The following KIF15 variants were observed in gnomAD, a reference collection of about 807,000 sequenced individuals.
KIF15 encodes kinesin family member 15, also known as kinesin-like protein KIF15.
Under a neutral mutation model 190.6 loss-of-function variants are expected in KIF15, and 140 were observed. The observed-to-expected ratio is 0.73, with a 90% CI of 0.64 to 0.84. The LOEUF is 0.84. KIF15 is among the 40% of genes least tolerant of loss of function. The probability of loss-of-function intolerance (pLI) is 0.00; values close to 1 mark genes in which losing one functional copy is unlikely to be tolerated. For missense variants in KIF15, 1,372 were observed against 1,584.4 expected (o/e 0.87, Z 2.28); for synonymous variants, 528 against 551.3 (o/e 0.96, Z 0.59).
Position 44,821,005 on chromosome 3 carries a change from C to T in KIF15, c.2550-5034C>T, listed in dbSNP as rs1175695681. Among the ~76,000 whole-genome samples, 17 of 110,310 alleles carry T rather than the reference C, an allele frequency of 1.5e-4. 1 individual carries two copies. The highest frequency in any genetic ancestry group is 4.0e-4 in the African/African-American group (11 of 27,718). The allele number at this position is 110,310 out of a possible 152,430, so 72.4% of individuals were successfully genotyped here. On this transcript the variant is annotated intron_variant, in intron 20 of 34. Coordinates refer to ENST00000326047, the MANE Select transcript of KIF15 (RefSeq NM_020242.3). ...CTGACCCCCCCACCTCCCTCCCGGA[C>T]GGGGCGGCTGGCCGGGCGGGGGGGC...
At position 44,794,267 on chromosome 3, in the gene KIF15, C is replaced by T. The variant is rs1416910030; in HGVS notation, c.690C>T (p.Asn230=). The change falls in exon 8 of 35, where the codon AAC becomes AAT. Residue 230 remains asparagine, a synonymous_variant. Transcript: ENST00000326047. The stretch of plus-strand genomic sequence containing the variant: ...GACGTGTGGCATCAACATCAATGAA[C>T]AGAGAATCGTCTAGGTCTCATGCCG... The part of the protein sequence containing the change: ...RNRRVASTSM[N]RESSRSHAVF... The T allele has an allele frequency of 1.2e-6, 2 of 1,613,896 alleles. No individual in the cohort carries two copies. The highest frequency in any genetic ancestry group is 2.7e-5 in the African/African-American group (2 of 74,918).
Position 44,843,177 on chromosome 3 carries a change from A to AG in KIF15, c.3639dup (p.Lys1214GlufsTer11), listed in dbSNP as rs770603024. The AG allele has an allele frequency of 1.2e-6, 2 of 1,613,606 alleles. No individual in the cohort carries two copies. The highest frequency in any genetic ancestry group is 1.3e-5 in the African/African-American group (1 of 74,906). Reference sequence around the variant, plus strand: ...CGCCTGGAAAGTCAGCAGTTAATAGAGAAAAACTGGCTCCTGCAAGGTCAG... The same window carrying AG: ...CGCCTGGAAAGTCAGCAGTTAATAGAGGAAAAACTGGCTCCTGCAAGGTCAG... On this transcript the variant is annotated frameshift_variant, in exon 30 of 35. Transcript: ENST00000326047. LOFTEE classifies it high-confidence loss of function.
intron 1 of KIF15, among the ~76,000 whole-genome samples, chr3:44,771,494 C>A (rs547593759): frequency 1.5e-4 from 23 of 152,284 alleles, no homozygotes; most frequent in African/African-American, 5.1e-4. Context: ...CTGGATGTGT[C>A]AGGGGCCCTC....
chr3:44,828,912 C>G (rs982641889), intron 24 of KIF15, among the ~76,000 whole-genome samples: 5 of 151,976 alleles, frequency 3.3e-5, no homozygotes, highest in Non-Finnish European at 5.9e-5. Flanking sequence ...TGGCACATGC[C>G]TGTAATCCTA....
chr3:44,823,534 G>C (rs752317736), intron 20 of KIF15, among the ~76,000 whole-genome samples: 31 of 152,288 alleles, frequency 2.0e-4, no homozygotes, highest in Non-Finnish European at 4.3e-4. Flanking sequence ...GAGAACCACT[G>C]TACTCTTCAG....
At chr3:44,836,375 AT>A (rs1000597764) in intron 26 of KIF15, among the ~76,000 whole-genome samples, 25 of 151,386 alleles carry the variant, frequency 1.7e-4, no homozygotes, top group East Asian at 7.7e-4. Context: ...TAAATAAATA[AT>A]TTTTTTTTAA....
intron 6 of KIF15, among the ~76,000 whole-genome samples, chr3:44,868,469 A>G (rs141038990): frequency 8.6e-4 from 131 of 152,320 alleles, no homozygotes; most frequent in African/African-American, 2.9e-3. Context: ...CATGTTTTCA[A>G]TTCTATTGGG....
chr3:44,834,285 TA>T (rs1698204299), intron 26 of KIF15, among the ~76,000 whole-genome samples: 1 of 152,196 alleles, frequency 6.6e-6, no homozygotes, highest in African/African-American at 2.4e-5. Context: ...TATGAGTACT[TA>T]GCCAATGCAG....
At chr3:44,827,403 C>T (rs2125690485) in intron 22 of KIF15, 56 bp from the exon 23 acceptor site, 1 of 1,220,280 alleles carries the variant, frequency 8.2e-7, no homozygotes, top group Non-Finnish European at 1.2e-6. Context: ...CTAACAGATT[C>T]AGTTCCTGTT....
intron 6 of KIF15, among the ~76,000 whole-genome samples, chr3:44,861,669 C>T (rs2125738146): frequency 6.6e-6 from 1 of 152,388 alleles, no homozygotes; most frequent in South Asian, 2.1e-4. Context: ...GTCCACAGTA[C>T]CCGGCTTGGC....
At chr3:44,865,289 A>G (rs1213787679) in intron 6 of KIF15, 21 of 1,465,886 alleles carry the variant, frequency 1.4e-5, no homozygotes, top group Non-Finnish European at 2.0e-5. Flanking sequence ...CCTTCTGACC[A>G]TCAGCCAAGG....
At chr3:44,862,147 C>T in intron 6 of KIF15, 2 of 143,722 alleles carry the variant, frequency 1.4e-5, no homozygotes, top group Non-Finnish European at 2.8e-5. Context: ...GGTGCTGCTG[C>T]TGCGGGCGGG....
At chr3:44,767,028 T>A (rs1445780524) in intron 1 of KIF15, among the ~76,000 whole-genome samples, 2 of 152,030 alleles carry the variant, frequency 1.3e-5, no homozygotes, top group African/African-American at 2.4e-5. Flanking sequence ...GCCAGGGTGG[T>A]CTCGATCTCC....
chr3:44,801,705 C>A, intron 12 of KIF15, 60 bp from the exon 13 acceptor site: 3 of 1,177,206 alleles, frequency 2.5e-6, no homozygotes, highest in South Asian at 1.4e-5. Flanking sequence ...GCTGGACTTA[C>A]GAAAATTTAG....
intron 20 of KIF15, among the ~76,000 whole-genome samples, chr3:44,822,853 C>T (rs1473303190): frequency 6.6e-6 from 1 of 152,120 alleles, no homozygotes; most frequent in Non-Finnish European, 1.5e-5. Context: ...TTTTCAGCCC[C>T]ATCAGTTCAT....
intron 3 of KIF15, among the ~76,000 whole-genome samples, chr3:44,776,145 G>A (rs1705880802): frequency 6.6e-6 from 1 of 151,292 alleles, no homozygotes; most frequent in Non-Finnish European, 1.5e-5. Flanking sequence ...CTCAAATAAG[G>A]AGACTGAAAC....
At chr3:44,832,399 TA>T (rs956000439) in intron 26 of KIF15, among the ~76,000 whole-genome samples, 2 of 152,020 alleles carry the variant, frequency 1.3e-5, no homozygotes, top group Non-Finnish European at 2.9e-5. Flanking sequence ...CTAGTGGGGA[TA>T]GGGGGTGAGA....
At chr3:44,838,088 A>G (rs1363741369) in intron 26 of KIF15, among the ~76,000 whole-genome samples, 187 bp from the exon 27 acceptor site, 1 of 152,208 alleles carries the variant, frequency 6.6e-6, no homozygotes, top group East Asian at 1.9e-4. Context: ...TAATAATGTT[A>G]ATCTCTAGAC....
intron 6 of KIF15, chr3:44,865,327 T>C: frequency 2.8e-6 from 3 of 1,079,708 alleles, no homozygotes; most frequent in Non-Finnish European, 4.0e-6. Context: ...GAGCAGGCTC[T>C]GGCTCTGTAA....
Sources: allele counts gnomAD v4.1 joint callset (sites outside exome capture counted in the v4.1 genomes callset), GRCh38; gene constraint gnomAD v4.1.1; transcripts MANE v1.5; gene names NCBI Gene and HGNC (gene_info 2026-07-23, HGNC 2026-07-21).